CFAP47: variants seen among roughly 807,000 people sequenced by gnomAD.
The protein encoded by CFAP47 is cilia and flagella associated protein 47, also known as cilia- and flagella-associated protein 47.
CFAP47 carries 29 observed loss-of-function variants against 148.1 expected under a neutral mutation model. The ratio of observed to expected loss-of-function variants is 0.20; its 90% CI spans 0.15 to 0.27. The LOEUF is 0.27. Ranked by LOEUF, CFAP47 falls within the 10% of genes least tolerant of loss-of-function variation. The probability of loss-of-function intolerance (pLI) is 1.00; values close to 1 mark genes in which losing one functional copy is unlikely to be tolerated. For missense variants in CFAP47, 1,872 were observed against 1,697.5 expected, an observed-to-expected ratio of 1.10 and a Z score of -1.81; for synonymous variants, 664 against 577.3, an observed-to-expected ratio of 1.15 and a Z score of -2.15.
chrX:36,142,048 AAGTT>A (rs1939151448), intron 35 of CFAP47, among the ~76,000 whole-genome samples: 1 of 112,142 alleles, frequency 8.9e-6, no homozygotes, highest in African/African-American at 3.2e-5. Context: ...TATTCACAAA[AAGTT>A]AGGTTCTTAG....
chrX:36,027,150 A>G (rs1250448253), intron 22 of CFAP47, among the ~76,000 whole-genome samples: 2 of 98,824 alleles, frequency 2.0e-5, no homozygotes, highest in African/African-American at 7.7e-5. Flanking sequence ...GATTATATAT[A>G]TGATTATATA....
At chrX:36,045,347 C>A (rs1014695504) in intron 25 of CFAP47, among the ~76,000 whole-genome samples, 3 of 111,455 alleles carry the variant, frequency 2.7e-5, no homozygotes, top group African/African-American at 9.8e-5. Context: ...AGGTGCAAGA[C>A]AAAGTCTCCT....
intron 49 of CFAP47, among the ~76,000 whole-genome samples, chrX:36,258,771 A>G (rs1488427871): frequency 8.9e-6 from 1 of 112,267 alleles, no homozygotes; most frequent in African/African-American, 3.2e-5. Context: ...CCATCCCCAG[A>G]GCATCCATTT....
chrX:36,171,769 T>G (rs766783904), intron 39 of CFAP47, among the ~76,000 whole-genome samples: 1 of 111,792 alleles, frequency 8.9e-6, no homozygotes, highest in Non-Finnish European at 1.9e-5. Flanking sequence ...CAGGATTGAC[T>G]TGGCGATGCG....
intron 32 of CFAP47, among the ~76,000 whole-genome samples, chrX:36,104,125 T>C (rs1168011428): frequency 1.8e-5 from 2 of 112,082 alleles, no homozygotes; most frequent in African/African-American, 6.5e-5. Context: ...TACTTTTACT[T>C]TGGCTTTTCT....
rs148710943 is a variant in CFAP47, at chrX:36,051,374, G to A, written c.4217+4311G>A. On this transcript the variant is annotated intron_variant, in intron 26 of 63. Coordinates refer to ENST00000378653, the MANE Select transcript of CFAP47 (RefSeq NM_001304548.2). ...GGGGCTGTAACCTGCAATGCCACAGGGGTGGAGCTGCTCAAGACCATGGGA... is the reference window on the plus strand; with the variant it reads ...GGGGCTGTAACCTGCAATGCCACAGAGGTGGAGCTGCTCAAGACCATGGGA... Among the ~76,000 whole-genome samples, 3 of 112,085 alleles carry A rather than the reference G, an allele frequency of 2.7e-5. No homozygotes were observed. In the East Asian group the frequency reaches 8.5e-4, roughly 32 times the overall value.
chrX:36,283,349 A>G (rs1295485920), intron 50 of CFAP47, among the ~76,000 whole-genome samples: 1 of 111,669 alleles, frequency 9.0e-6, no homozygotes, highest in Non-Finnish European at 1.9e-5. Context: ...TTAATACTCA[A>G]TGTACATGTC....
chrX:35,998,976 CTT>C (rs1479946633), intron 19 of CFAP47, among the ~76,000 whole-genome samples: 1 of 111,056 alleles, frequency 9.0e-6, no homozygotes, highest in Non-Finnish European at 1.9e-5. Flanking sequence ...ACATAGCTGA[CTT>C]TAAAAAATAA....
chrX:36,333,050 G>T (rs1258808297), intron 57 of CFAP47, among the ~76,000 whole-genome samples: 1 of 111,630 alleles, frequency 9.0e-6, no homozygotes, highest in African/African-American at 3.2e-5. Flanking sequence ...ATCTCCAAAA[G>T]GTAGTTGGGG....
chrX:36,288,628 A>G (rs1308057232), intron 51 of CFAP47, among the ~76,000 whole-genome samples: 1 of 112,508 alleles, frequency 8.9e-6, no homozygotes. Flanking sequence ...GAAATTCACT[A>G]TATTGTTAAT....
chrX:36,127,575 G>A (rs137870929), intron 33 of CFAP47, among the ~76,000 whole-genome samples: 4 of 111,218 alleles, frequency 3.6e-5, no homozygotes, highest in Non-Finnish European at 7.6e-5. Flanking sequence ...TTGGCTATGC[G>A]GTCTCTTTTT....
chrX:35,966,690 A>T lies in CFAP47; in HGVS notation c.1536A>T (p.Val512=). The T allele has an allele frequency of 8.5e-7, 1 of 1,183,157 alleles. No homozygotes were observed. The highest frequency in any genetic ancestry group is 1.1e-6 in the Non-Finnish European group (1 of 879,836). The change falls in exon 9 of 64, where the codon GTA becomes GTT. Residue 512 remains valine, a synonymous_variant. Coordinates refer to ENST00000378653, the MANE Select transcript of CFAP47 (RefSeq NM_001304548.2). ...TGTCGGTAAAATCTTTCCATCACGTATATTTAGCTTTCAACAGCATCTGTA... is the reference window on the plus strand; with the variant it reads ...TGTCGGTAAAATCTTTCCATCACGTTTATTTAGCTTTCAACAGCATCTGTA... ...QSLSVKSFHH[V]YLAFNSICKA...
intron 49 of CFAP47, among the ~76,000 whole-genome samples, chrX:36,271,258 T>C (rs1187692733): frequency 8.9e-6 from 1 of 111,968 alleles, no homozygotes; most frequent in Admixed American, 9.5e-5. Context: ...AAGATACTTA[T>C]ACCAAAACTT....
At chrX:36,036,768 T>A (rs1481190849) in intron 24 of CFAP47, among the ~76,000 whole-genome samples, 1 of 111,771 alleles carries the variant, frequency 8.9e-6, no homozygotes, top group African/African-American at 3.2e-5. Context: ...TCAGGCAGGG[T>A]AAGAATCTAT....
At chrX:36,036,404 C>T (rs759236640) in intron 24 of CFAP47, among the ~76,000 whole-genome samples, 4 of 108,202 alleles carry the variant, frequency 3.7e-5, no homozygotes, top group South Asian at 4.0e-4. Flanking sequence ...TTTGTATGAA[C>T]GAATAATAGT....
At chrX:36,096,022 G>T (rs759050266) in intron 30 of CFAP47, among the ~76,000 whole-genome samples, 1 of 110,414 alleles carries the variant, frequency 9.1e-6, no homozygotes, top group African/African-American at 3.3e-5. Flanking sequence ...ACTGCTTTTG[G>T]TATATTTGAT....
At position 35,974,846 on chromosome X, in the gene CFAP47, G is replaced by A. The variant is rs190595629; in HGVS notation, c.2255-301G>A. On this transcript the variant is annotated intron_variant, in intron 13 of 63. Transcript: ENST00000378653. ...TACTAGTGGGAATAGAGGAGGTGTT[G>A]AAGTGTTGCAAATTAAGGTGCTAAG... Among the ~76,000 whole-genome samples, 193 of 110,991 alleles carry A rather than the reference G, an allele frequency of 1.7e-3. 1 individual carries two copies. The highest frequency in any genetic ancestry group is 2.9e-3 in the Non-Finnish European group (156 of 52,976).
chrX:36,045,213 C>T (rs1937450673), intron 25 of CFAP47, among the ~76,000 whole-genome samples: 1 of 111,662 alleles, frequency 9.0e-6, no homozygotes, highest in Non-Finnish European at 1.9e-5. Flanking sequence ...GTCTGTCATA[C>T]ATCACTTTTA....
intron 24 of CFAP47, among the ~76,000 whole-genome samples, chrX:36,038,615 C>A (rs1052727804): frequency 4.5e-5 from 5 of 111,698 alleles, no homozygotes; most frequent in African/African-American, 1.6e-4. Flanking sequence ...AATGATCTAT[C>A]CTCATCTTCA....
Sources: gnomAD v4.1 joint callset for allele counts (sites outside exome capture counted in the v4.1 genomes callset) on GRCh38, gnomAD v4.1.1 for gene constraint, MANE v1.5 for transcripts, NCBI Gene and HGNC (gene_info 2026-07-23, HGNC 2026-07-21) for gene names.